Variants in ATF7IP2 observed in about 807,000 individuals in gnomAD.
The protein encoded by ATF7IP2 is activating transcription factor 7-interacting protein 2.
ATF7IP2 carries 42 observed loss-of-function variants against 64.2 expected under a neutral mutation model. The ratio of observed to expected loss-of-function variants is 0.65; its 90% CI spans 0.51 to 0.85. The LOEUF (loss-of-function observed/expected upper bound fraction) is 0.85, where lower values mean the gene tolerates loss of function less well. Ranked by LOEUF, ATF7IP2 falls within the 40% of genes least tolerant of loss-of-function variation. The pLI, the probability that ATF7IP2 is intolerant of heterozygous loss-of-function variation, is 0.00. For synonymous variants in ATF7IP2, 308 were observed against 272.8 expected (o/e 1.13, Z -1.27); for missense variants, 933 against 784.2 (o/e 1.19, Z -2.27).
At position 10,445,998 on chromosome 16, in the gene ATF7IP2, A is replaced by T. The variant is rs550140103; in HGVS notation, c.1194+5536A>T. The T allele has an allele frequency of 1.5e-4, 23 of 152,288 alleles. No homozygotes were observed. The East Asian group carries it at 4.2e-3, about 28-fold the overall frequency. 9.4% of individuals were successfully genotyped at this position (152,288 alleles called of 1,614,324 possible). ...AGGCTTGATATAATGCAAACAATTC[A>T]CATGTTTGGGCAGACCAATTATTGG... On this transcript the variant is annotated intron_variant, in intron 8 of 13. Transcript: ENST00000562102.
Position 10,480,047 on chromosome 16 carries a change from G to T in ATF7IP2, c.1550-832G>T, listed in dbSNP as rs190189982. ...TCTGTCACCCAGGCTAGAATGCAGT[G>T]GCTTGATCTTGGCTCACTTCAACCT... On this transcript the variant is annotated intron_variant, in intron 12 of 13. Coordinates refer to ENST00000562102, the MANE Select transcript of ATF7IP2 (RefSeq NM_001393719.1). 2.4e-3 allele frequency among the ~76,000 whole-genome samples: 319 copies of T among 132,172 alleles called. 2 individuals carry two copies. The highest frequency in any genetic ancestry group is 8.5e-3 in the African/African-American group (300 of 35,156). 86.7% of individuals were successfully genotyped at this position (132,172 alleles called of 152,430 possible).
chr16:10,417,564 G>C (rs2047904078), intron 2 of ATF7IP2, among the ~76,000 whole-genome samples: 1 of 152,036 alleles, frequency 6.6e-6, no homozygotes, highest in Non-Finnish European at 1.5e-5. Context: ...TGAACACTGG[G>C]CCACCCAGAT....
At chr16:10,408,035 C>T (rs558608404) in intron 1 of ATF7IP2, among the ~76,000 whole-genome samples, 6 of 152,168 alleles carry the variant, frequency 3.9e-5, no homozygotes, top group African/African-American at 1.4e-4. Context: ...CCTCAGCCTC[C>T]CAAGTAGTTG....
intron 1 of ATF7IP2, among the ~76,000 whole-genome samples, chr16:10,393,165 C>T (rs185316155): frequency 6.6e-6 from 1 of 151,754 alleles, no homozygotes; most frequent in Non-Finnish European, 1.5e-5. Flanking sequence ...CAAGCATTAG[C>T]TGGGCATGGT....
At chr16:10,413,141 C>T (rs949707283) in intron 1 of ATF7IP2, among the ~76,000 whole-genome samples, 1 of 152,050 alleles carries the variant, frequency 6.6e-6, no homozygotes, top group East Asian at 1.9e-4. Context: ...TTAAGTGGAG[C>T]ATTTAGGCCA....
chr16:10,462,010 C>T (rs1017261307), intron 9 of ATF7IP2, among the ~76,000 whole-genome samples: 4 of 151,956 alleles, frequency 2.6e-5, no homozygotes, highest in African/African-American at 9.7e-5. Flanking sequence ...TCTGTTATAG[C>T]CATCTTTTGA....
intron 9 of ATF7IP2, among the ~76,000 whole-genome samples, chr16:10,460,032 T>C (rs957257999): frequency 1.3e-5 from 2 of 152,290 alleles, no homozygotes; most frequent in South Asian, 2.1e-4. Flanking sequence ...GTATGAAATC[T>C]AGTGAAACCT....
intron 1 of ATF7IP2, among the ~76,000 whole-genome samples, chr16:10,391,944 A>G (rs1209145968): frequency 6.6e-6 from 1 of 152,276 alleles, no homozygotes; most frequent in East Asian, 1.9e-4. Flanking sequence ...TTACACATAC[A>G]ATTAGAGAAT....
At chr16:10,412,711 T>C (rs1424904294) in intron 1 of ATF7IP2, among the ~76,000 whole-genome samples, 1 of 152,202 alleles carries the variant, frequency 6.6e-6, no homozygotes, top group Non-Finnish European at 1.5e-5. Context: ...GGGTATAGTT[T>C]AAATCCATTA....
At chr16:10,429,780 T>A (rs1255669326) in intron 4 of ATF7IP2, among the ~76,000 whole-genome samples, 1 of 147,436 alleles carries the variant, frequency 6.8e-6, no homozygotes, top group Non-Finnish European at 1.5e-5. Context: ...TATTTTAATT[T>A]AATTTAATTT....
rs2047502134 is a variant in ATF7IP2 at position 10,400,288 on chromosome 16, G to C, written c.-242+14166G>C. On this transcript the variant is annotated intron_variant, in intron 1 of 13. Coordinates refer to ENST00000562102, the MANE Select transcript of ATF7IP2 (RefSeq NM_001393719.1). ...ACTCCTGACCTCAGGTAATTTACCT[G>C]CCTTGGCCTCCCAAAGTGTTGGGAT... Among the ~76,000 whole-genome samples, 3 of 152,286 alleles carry C rather than the reference G, an allele frequency of 2.0e-5. No individual in the cohort carries two copies. In the South Asian group the frequency reaches 6.2e-4, roughly 32 times the overall value.
At chr16:10,474,124 C>G (rs989312460) in intron 12 of ATF7IP2, 135 bp downstream of exon 12, 2 of 585,912 alleles carry the variant, frequency 3.4e-6, no homozygotes, top group African/African-American at 3.8e-5. Context: ...AGTTTTAGCT[C>G]ATGTGCAGAT....
intron 6 of ATF7IP2, among the ~76,000 whole-genome samples, chr16:10,434,018 A>C (rs2048340047): frequency 6.6e-6 from 1 of 152,210 alleles, no homozygotes; most frequent in South Asian, 2.1e-4. Flanking sequence ...GGGTTCTTAG[A>C]TCTGCAGCTC....
chr16:10,468,037 G>A (rs186779651), intron 9 of ATF7IP2, among the ~76,000 whole-genome samples: 371 of 151,380 alleles, frequency 2.5e-3, no homozygotes, highest in African/African-American at 7.3e-3. Context: ...GTGCCACCAT[G>A]CCCGACTAAT....
chr16:10,403,626 A>C (rs904357153), intron 1 of ATF7IP2, among the ~76,000 whole-genome samples: 3 of 152,218 alleles, frequency 2.0e-5, no homozygotes, highest in African/African-American at 4.8e-5. Flanking sequence ...CAAAAATGAT[A>C]ATTGAAATGC....
intron 6 of ATF7IP2, 21 bp from the exon 7 acceptor site, chr16:10,438,080 G>A: frequency 6.6e-7 from 1 of 1,515,864 alleles, no homozygotes. Context: ...GGGTGTTTTG[G>A]TTTTTATTTT....
chr16:10,431,505 C>A, intron 5 of ATF7IP2, 50 bp downstream of exon 5: 1 of 1,278,112 alleles, frequency 7.8e-7, no homozygotes, highest in Non-Finnish European at 1.1e-6. Context: ...AGTCACTTTT[C>A]TTTAGGGTAT....
intron 5 of ATF7IP2, among the ~76,000 whole-genome samples, chr16:10,432,681 C>A (rs1334258584): frequency 3.9e-5 from 6 of 152,236 alleles, no homozygotes; most frequent in African/African-American, 1.4e-4. Flanking sequence ...CCAGCCTGGC[C>A]AACATGGCGA....
intron 1 of ATF7IP2, among the ~76,000 whole-genome samples, chr16:10,405,876 T>C (rs2047628569): frequency 6.6e-6 from 1 of 152,156 alleles, no homozygotes; most frequent in African/African-American, 2.4e-5. Context: ...AGCTTTCACT[T>C]GAAGTCAGGA....
Sources: allele counts gnomAD v4.1 joint callset (sites outside exome capture counted in the v4.1 genomes callset), GRCh38; gene constraint gnomAD v4.1.1; transcripts MANE v1.5; gene names NCBI Gene and HGNC (gene_info 2026-07-23, HGNC 2026-07-21).